Variants in KCNJ3 observed in about 807,000 individuals in gnomAD.
KCNJ3 encodes the protein potassium inwardly rectifying channel subfamily J member 3.
In KCNJ3, 4 loss-of-function variants were observed where a neutral mutation model predicts 39.2. The observed-to-expected ratio is 0.10, with a 90% CI of 0.05 to 0.23. The LOEUF is 0.23. KCNJ3 is among the 10% of genes least tolerant of loss of function. The pLI, the probability that KCNJ3 is intolerant of heterozygous loss-of-function variation, is 1.00. For synonymous variants in KCNJ3, 230 were observed against 237.4 expected (o/e 0.97, Z 0.29); for missense variants, 276 against 634.9 (o/e 0.43, Z 6.08).
chr2:154,733,178 C>G (rs77840744), intron 2 of KCNJ3, among the ~76,000 whole-genome samples: 1 of 151,946 alleles, frequency 6.6e-6, no homozygotes. Context: ...TTTTTTATTA[C>G]AAAATTATTT....
chr2:154,781,610 T>C (rs993233107), intron 2 of KCNJ3, among the ~76,000 whole-genome samples: 2 of 152,220 alleles, frequency 1.3e-5, no homozygotes, highest in Non-Finnish European at 2.9e-5. Flanking sequence ...GCTGAAATGA[T>C]GGCAGAATTT....
intron 2 of KCNJ3, among the ~76,000 whole-genome samples, chr2:154,843,813 C>CTGTT (rs1309141480): frequency 7.2e-5 from 11 of 152,184 alleles, no homozygotes; most frequent in African/African-American, 2.4e-4. Context: ...CTTCTCCACA[C>CTGTT]TGTTTATTCT....
intron 2 of KCNJ3, among the ~76,000 whole-genome samples, chr2:154,712,565 T>C (rs1685116069): frequency 6.6e-6 from 1 of 152,184 alleles, no homozygotes; most frequent in African/African-American, 2.4e-5. Flanking sequence ...CTTGAAAGTA[T>C]GTGAGATGCT....
intron 2 of KCNJ3, among the ~76,000 whole-genome samples, chr2:154,721,512 T>A (rs1346791337): frequency 6.6e-6 from 1 of 152,172 alleles, no homozygotes; most frequent in African/African-American, 2.4e-5. Context: ...GATCATTTAA[T>A]CATATCTGCT....
At chr2:154,789,365 A>G (rs1338411748) in intron 2 of KCNJ3, among the ~76,000 whole-genome samples, 1 of 152,046 alleles carries the variant, frequency 6.6e-6, no homozygotes, top group Non-Finnish European at 1.5e-5. Flanking sequence ...TTAGTAATCT[A>G]AATTGTGTAA....
At chr2:154,822,205 T>G (rs1574475038) in intron 2 of KCNJ3, among the ~76,000 whole-genome samples, 1 of 152,182 alleles carries the variant, frequency 6.6e-6, no homozygotes, top group East Asian at 1.9e-4. Flanking sequence ...ACGAGCAGGT[T>G]TGCAAATATC....
chr2:154,704,247 G>C (rs1462095874), intron 1 of KCNJ3, among the ~76,000 whole-genome samples: 1 of 152,072 alleles, frequency 6.6e-6, no homozygotes, highest in East Asian at 1.9e-4. Context: ...GGGGCATAAA[G>C]AGCCATAAAT....
At chr2:154,837,081 G>T (rs751054966) in intron 2 of KCNJ3, among the ~76,000 whole-genome samples, 1 of 152,126 alleles carries the variant, frequency 6.6e-6, no homozygotes, top group Non-Finnish European at 1.5e-5. Context: ...GTGTGTAAGT[G>T]TATCAAAATG....
chr2:154,703,492 T>G (rs1421987377), intron 1 of KCNJ3, among the ~76,000 whole-genome samples: 1 of 151,830 alleles, frequency 6.6e-6, no homozygotes, highest in African/African-American at 2.4e-5. Flanking sequence ...TGTGTGTGTG[T>G]GTGTGTGTGT....
At chr2:154,820,853 G>A (rs1391593217) in intron 2 of KCNJ3, among the ~76,000 whole-genome samples, 3 of 152,112 alleles carry the variant, frequency 2.0e-5, no homozygotes, top group African/African-American at 7.2e-5. Context: ...AACAACTAAA[G>A]TGATTTAGTT....
At position 154,832,364 on chromosome 2, in the gene KCNJ3, T is replaced by G. The variant is rs565911941; in HGVS notation, c.920-22363T>G. ...TATGTTAAATCCACCTCTGGCCAGT[T>G]GAAGTTTTGAATGTTTAGTTAATGT... On this transcript the variant is annotated intron_variant, in intron 2 of 2. Transcript: ENST00000295101. Among the ~76,000 whole-genome samples, 4 of 152,302 alleles carry G rather than the reference T, an allele frequency of 2.6e-5. No homozygotes were observed. The East Asian group carries it at 7.7e-4, about 29-fold the overall frequency.
At chr2:154,839,105 C>A (rs1362403139) in intron 2 of KCNJ3, among the ~76,000 whole-genome samples, 1 of 152,148 alleles carries the variant, frequency 6.6e-6, no homozygotes, top group Admixed American at 6.5e-5. Context: ...CAGCCCCCCA[C>A]CTCCCGATAG....
intron 2 of KCNJ3, among the ~76,000 whole-genome samples, chr2:154,782,763 C>T (rs1686460308): frequency 6.6e-6 from 1 of 152,074 alleles, no homozygotes; most frequent in African/African-American, 2.4e-5. Flanking sequence ...CCTATCCCTA[C>T]CTTGTTTATT....
intron 2 of KCNJ3, among the ~76,000 whole-genome samples, 175 bp from the exon 3 acceptor site, chr2:154,854,552 A>G (rs960537139): frequency 9.2e-5 from 14 of 152,290 alleles, no homozygotes; most frequent in South Asian, 6.2e-4. Flanking sequence ...GAAAGAAAGT[A>G]TATGTATCAA....
At chr2:154,701,346 G>GT (rs1558850058) in intron 1 of KCNJ3, among the ~76,000 whole-genome samples, 1 of 151,984 alleles carries the variant, frequency 6.6e-6, no homozygotes, top group African/African-American at 2.4e-5. Flanking sequence ...ACATTCTTTA[G>GT]TTTTTTAAAC....
chr2:154,707,440 C>T (rs1017311830), intron 1 of KCNJ3, among the ~76,000 whole-genome samples: 2 of 152,036 alleles, frequency 1.3e-5, no homozygotes, highest in Non-Finnish European at 2.9e-5. Flanking sequence ...TGATAGCCTG[C>T]CTGTTTCTAG....
chr2:154,796,733 T>C (rs995912560), intron 2 of KCNJ3, among the ~76,000 whole-genome samples: 1 of 152,186 alleles, frequency 6.6e-6, no homozygotes, highest in East Asian at 1.9e-4. Flanking sequence ...CCTAGAATAC[T>C]AGCTGATTAC....
intron 2 of KCNJ3, among the ~76,000 whole-genome samples, chr2:154,843,031 A>T (rs1254953284): frequency 6.6e-6 from 1 of 152,134 alleles, no homozygotes; most frequent in Non-Finnish European, 1.5e-5. Flanking sequence ...TCTTCATAGC[A>T]TCGATAGTCT....
chr2:154,849,339 T>A (rs1687716275), intron 2 of KCNJ3, among the ~76,000 whole-genome samples: 1 of 152,154 alleles, frequency 6.6e-6, no homozygotes, highest in Non-Finnish European at 1.5e-5. Context: ...TTTTGTTTTG[T>A]TTTGTGTTTT....
Sources: allele counts gnomAD v4.1 joint callset (sites outside exome capture counted in the v4.1 genomes callset), GRCh38; gene constraint gnomAD v4.1.1; transcripts MANE v1.5; gene names NCBI Gene and HGNC (gene_info 2026-07-23, HGNC 2026-07-21).